PCDHA4: variants seen among roughly 807,000 people sequenced by gnomAD.
PCDHA4 encodes the protein protocadherin alpha 4.
In PCDHA4, 49 loss-of-function variants were observed where a neutral mutation model predicts 61.4. The ratio of observed to expected loss-of-function variants is 0.80; its 90% CI spans 0.63 to 1.01. The LOEUF (loss-of-function observed/expected upper bound fraction) is 1.01. Among genes scored for constraint, PCDHA4 ranks in the 50% least tolerant of loss-of-function variants. The probability of loss-of-function intolerance (pLI) is 0.00; values close to 1 mark genes in which losing one functional copy is unlikely to be tolerated. For missense variants in PCDHA4, 1,254 were observed against 1,235.8 expected, an observed-to-expected ratio of 1.01 and a Z score of -0.22; for synonymous variants, 590 against 550.3, an observed-to-expected ratio of 1.07 and a Z score of -1.01.
In PCDHA4 at chr5:140,858,082, G is replaced by C; in HGVS notation, c.2385+48510G>C. 4 of 1,597,832 alleles carry C rather than the reference G, an allele frequency of 2.5e-6. 1 individual carries two copies. Among genetic ancestry groups the C allele is most frequent in the Non-Finnish European group, 3.4e-6 (4 of 1,167,698 alleles). ...AGGGCAGCCAGGCACCCAAGGCCTC[G>C]TCGCGGGCTTCAGTGGGCGTGGCGC... On this transcript the variant is annotated intron_variant, in intron 1 of 3. Transcript: ENST00000530339.
chr5:140,994,473 C>T (rs1199561805), intron 3 of PCDHA4, among the ~76,000 whole-genome samples: 2 of 152,038 alleles, frequency 1.3e-5, no homozygotes, highest in Admixed American at 6.5e-5. Flanking sequence ...GAGGCTGAGG[C>T]GGGTGGATTG....
rs374265125 is a variant in PCDHA4 at position 140,808,741 on chromosome 5, C to G, written c.1554C>G (p.Tyr518Ter). The G allele has an allele frequency of 1.4e-4, 219 of 1,612,110 alleles. No individual in the cohort carries two copies. The East Asian group carries it at 4.5e-3, about 33-fold the overall frequency. The part of the protein sequence containing the change: ...VSVHAESGKV[Y>*]ALQPLDHEEL... ...TGCATGCGGAGAGCGGCAAGGTGTA[C>G]GCGCTGCAGCCGCTGGACCACGAGG... Residue 518 changes from tyrosine to a stop codon, truncating the protein, a stop_gained, in exon 1 of 4, where the codon TAC becomes TAG. Coordinates refer to ENST00000530339, the MANE Select transcript of PCDHA4 (RefSeq NM_018907.4). LOFTEE classifies it high-confidence loss of function.
At chr5:140,967,142 C>T in intron 1 of PCDHA4, 1 of 1,611,304 alleles carries the variant, frequency 6.2e-7, no homozygotes, top group Non-Finnish European at 8.5e-7. Flanking sequence ...AGTGCTGGCG[C>T]ACAACCCCGT....
At chr5:140,967,072 C>T in intron 1 of PCDHA4, 1 of 1,613,106 alleles carries the variant, frequency 6.2e-7, no homozygotes, top group Non-Finnish European at 8.5e-7. Flanking sequence ...TCTTCGTCAA[C>T]GAGCGCATTG....
In PCDHA4 at chr5:140,808,531, G is replaced by C. The variant is rs1554124620; in HGVS notation, c.1344G>C (p.Val448=). 1.9e-6 allele frequency: 3 copies of C among 1,614,180 alleles called. No individual in the cohort carries two copies. In the South Asian group the frequency reaches 3.3e-5, roughly 18 times the overall value. ...TASVSVEVAD[V]NDNAPAFAQP... ...GTGTTTCTGTGGAGGTGGCTGATGT[G>C]AACGACAACGCTCCGGCGTTCGCGC... The change falls in exon 1 of 4, where the codon GTG becomes GTC. Residue 448 remains valine (V), a synonymous_variant. Coordinates refer to ENST00000530339, the MANE Select transcript of PCDHA4 (RefSeq NM_018907.4).
chr5:140,926,763 C>T, intron 1 of PCDHA4: 1 of 1,327,892 alleles, frequency 7.5e-7, no homozygotes, highest in African/African-American at 1.5e-5. Flanking sequence ...GCTGAGTATC[C>T]AGCCCGCAGC....
At chr5:140,926,217 T>C (rs1201243643) in intron 1 of PCDHA4, among the ~76,000 whole-genome samples, 1 of 151,994 alleles carries the variant, frequency 6.6e-6, no homozygotes, top group African/African-American at 2.4e-5. Flanking sequence ...CCTGTTTCCT[T>C]AAGCCTAGAA....
At chr5:140,883,417 A>C in intron 1 of PCDHA4, 3 of 1,614,146 alleles carry the variant, frequency 1.9e-6, no homozygotes, top group Non-Finnish European at 2.5e-6. Flanking sequence ...GCTCAAATGG[A>C]CAGGTCACCT....
intron 1 of PCDHA4, chr5:140,929,202 G>T (rs2085922750): frequency 1.2e-6 from 2 of 1,613,984 alleles, no homozygotes; most frequent in African/African-American, 1.3e-5. Context: ...ACAGTTTGCT[G>T]TTGCGTGGGG....
intron 1 of PCDHA4, among the ~76,000 whole-genome samples, chr5:140,907,353 A>C (rs1312030991): frequency 3.3e-5 from 5 of 152,234 alleles, no homozygotes; most frequent in Non-Finnish European, 7.3e-5. Flanking sequence ...CCGCTGCTGC[A>C]CTTCTTTAGT....
intron 1 of PCDHA4, chr5:140,870,093 A>G (rs1554163808): frequency 6.8e-6 from 11 of 1,613,930 alleles, no homozygotes; most frequent in Non-Finnish European, 9.3e-6. Context: ...CCCCAATGGC[A>G]GGTCACTGTA....
intron 1 of PCDHA4, chr5:140,926,717 C>G (rs975992181): frequency 3.1e-6 from 3 of 967,258 alleles, no homozygotes; most frequent in East Asian, 6.0e-5. Context: ...CCAGCCCCGG[C>G]AATGCCGGCG....
At chr5:140,875,264 C>CTACA in intron 1 of PCDHA4, 1 of 1,189,324 alleles carries the variant, frequency 8.4e-7, no homozygotes, top group Non-Finnish European at 1.1e-6. Context: ...TGATGTCGCT[C>CTACA]TACACTCAGA....
intron 1 of PCDHA4, chr5:140,853,286 T>G: frequency 2.0e-6 from 2 of 981,814 alleles, no homozygotes; most frequent in Non-Finnish European, 2.5e-6. Flanking sequence ...CATATGCAAA[T>G]TCTCAGAAGG....
At chr5:140,937,906 C>T (rs1235683629) in intron 1 of PCDHA4, among the ~76,000 whole-genome samples, 6 of 130,108 alleles carry the variant, frequency 4.6e-5, no homozygotes, top group African/African-American at 6.4e-5. Context: ...AGTGAGACTC[C>T]GTCTCAAAAA....
intron 1 of PCDHA4, chr5:140,857,399 G>T (rs375062704): frequency 6.3e-7 from 1 of 1,598,510 alleles, no homozygotes; most frequent in Non-Finnish European, 8.6e-7. Context: ...GAACGACAAC[G>T]CGCCTGCGTT....
At chr5:140,941,197 TTCTTC>T (rs1554213863) in intron 1 of PCDHA4, among the ~76,000 whole-genome samples, 1 of 112,110 alleles carries the variant, frequency 8.9e-6, no homozygotes. Context: ...TTTTTTTTCT[TTCTTC>T]CTTTCTTTCT....
At position 140,857,244 on chromosome 5, in the gene PCDHA4, C is replaced by T. The variant is rs192745808; in HGVS notation, c.2385+47672C>T. On this transcript the variant is annotated intron_variant, in intron 1 of 3. Coordinates refer to ENST00000530339, the MANE Select transcript of PCDHA4 (RefSeq NM_018907.4). ...CACGTTCCGTTCAAGCTGGTGTCCA[C>T]CTACAAGAATTACTACTCATTGGTG... 5 of 1,598,592 alleles carry T rather than the reference C, an allele frequency of 3.1e-6. 1 individual carries two copies. In the African/African-American group the frequency reaches 6.7e-5, roughly 21 times the overall value.
Position 140,827,381 on chromosome 5 carries a change from C to T in PCDHA4, c.2385+17809C>T, listed in dbSNP as rs2150147309. Reference sequence around the variant, plus strand: ...TTTTAAGCAAGAATCCTAATATAAGCTGCAGATAAATTAAATGTGATAAAG... The same window carrying T: ...TTTTAAGCAAGAATCCTAATATAAGTTGCAGATAAATTAAATGTGATAAAG... On this transcript the variant is annotated intron_variant, in intron 1 of 3. Transcript: ENST00000530339. Among the ~76,000 whole-genome samples, 177 of 152,258 alleles carry T rather than the reference C, an allele frequency of 1.2e-3. 1 individual carries two copies. The highest frequency in any genetic ancestry group is 1.7e-3 in the Non-Finnish European group (116 of 67,994).
Sources: allele counts gnomAD v4.1 joint callset (sites outside exome capture counted in the v4.1 genomes callset), GRCh38; gene constraint gnomAD v4.1.1; transcripts MANE v1.5; gene names NCBI Gene and HGNC (gene_info 2026-07-23, HGNC 2026-07-21).